TMBIM1: variants seen among roughly 807,000 people sequenced by gnomAD.
TMBIM1 encodes the protein transmembrane BAX inhibitor motif containing 1.
TMBIM1 carries 34 observed loss-of-function variants against 45.1 expected under a neutral mutation model. The observed-to-expected ratio is 0.75, with a 90% CI of 0.57 to 1.00. TMBIM1 has a LOEUF of 1.00. Among genes scored for constraint, TMBIM1 ranks in the 50% least tolerant of loss-of-function variants. TMBIM1 has a pLI of 0.00. For missense variants in TMBIM1, 374 were observed against 402.4 expected (o/e 0.93, Z 0.60); for synonymous variants, 157 against 153.5 (o/e 1.02, Z -0.17).
intron 6 of TMBIM1, 147 bp from the exon 7 acceptor site, chr2:218,278,121 G>A: frequency 1.2e-6 from 1 of 849,026 alleles, no homozygotes; most frequent in Non-Finnish European, 1.9e-6. Flanking sequence ...TTTGGCACCT[G>A]TTCAGGTGTG....
intron 1 of TMBIM1, among the ~76,000 whole-genome samples, chr2:218,282,955 GCTA>G (rs1352094562): frequency 6.6e-6 from 1 of 152,206 alleles, no homozygotes; most frequent in Non-Finnish European, 1.5e-5. Context: ...CTCTGGCCTT[GCTA>G]GGGAAGAGAG....
chr2:218,276,335 A>G (rs1424260674), intron 10 of TMBIM1, among the ~76,000 whole-genome samples: 1 of 152,228 alleles, frequency 6.6e-6, no homozygotes, highest in Non-Finnish European at 1.5e-5. Flanking sequence ...AGTGTCTACT[A>G]TACTTCTAGA....
chr2:218,289,659 A>G (rs925897755), intron 1 of TMBIM1, among the ~76,000 whole-genome samples: 30 of 150,242 alleles, frequency 2.0e-4, no homozygotes, highest in Non-Finnish European at 3.7e-4. Flanking sequence ...GAAAGATCAA[A>G]GTCCACTCTG....
intron 5 of TMBIM1, among the ~76,000 whole-genome samples, 184 bp from the exon 6 acceptor site, chr2:218,278,749 C>T (rs567342415): frequency 2.0e-5 from 3 of 152,328 alleles, no homozygotes; most frequent in Admixed American, 6.5e-5. Flanking sequence ...CACCAGGCTC[C>T]GGCCAGGAAG....
rs773978724 is a variant in TMBIM1, at chr2:218,275,651, A to C, written c.790-30T>G. ...AAGGATAGGGAAGCCAGAAGTGAGA[A>C]CTCAGGCATCAGTGTCCAGAGCTCA... On this transcript the variant is annotated intron_variant, in intron 11 of 11. Coordinates refer to ENST00000258412, the MANE Select transcript of TMBIM1 (RefSeq NM_022152.6). The C allele has an allele frequency of 2.5e-6, 4 of 1,596,982 alleles. No individual in the cohort carries two copies. In the African/African-American group the frequency reaches 4.0e-5, roughly 16 times the overall value.
chr2:218,279,764 G>A (rs954991628), intron 3 of TMBIM1, among the ~76,000 whole-genome samples: 4 of 152,300 alleles, frequency 2.6e-5, no homozygotes, highest in East Asian at 1.9e-4. Context: ...GAAGGCGGGC[G>A]CTGTGGCAGA....
intron 1 of TMBIM1, among the ~76,000 whole-genome samples, chr2:218,287,854 T>C (rs537385882): frequency 1.2e-3 from 181 of 152,256 alleles, no homozygotes; most frequent in African/African-American, 4.1e-3. Flanking sequence ...GAGGCTGTCC[T>C]GGGGATCACG....
At chr2:218,284,495 G>A (rs1692339786) in intron 1 of TMBIM1, among the ~76,000 whole-genome samples, 1 of 152,244 alleles carries the variant, frequency 6.6e-6, no homozygotes, top group Non-Finnish European at 1.5e-5. Context: ...GCCTCGGATG[G>A]GCCACGGGGA....
In TMBIM1 at chr2:218,275,758, G is replaced by T. The variant is rs541878161; in HGVS notation, c.790-137C>A. ...CATTAACGCACAGCATAACATATGG[G>T]CTCTATACTGTAGCTGCTCACAGTC... is the stretch of plus-strand genomic sequence containing the variant. On this transcript the variant is annotated intron_variant, in intron 11 of 11. Coordinates refer to ENST00000258412, the MANE Select transcript of TMBIM1 (RefSeq NM_022152.6). 3.5e-5 allele frequency: 38 copies of T among 1,097,998 alleles called. No homozygotes were observed. In the East Asian group the frequency reaches 8.6e-4, roughly 25 times the overall value. 68.0% of individuals were successfully genotyped at this position (1,097,998 alleles called of 1,614,324 possible).
chr2:218,282,275 G>A lies in TMBIM1; in HGVS notation c.-40-94C>T, dbSNP rs572816857. 93 of 705,984 alleles carry A rather than the reference G, an allele frequency of 1.3e-4. 1 individual carries two copies. The highest frequency in any genetic ancestry group is 1.1e-3 in the African/African-American group (59 of 52,830). The allele number at this position is 705,984 out of a possible 1,614,324, so 43.7% of individuals were successfully genotyped here. A position where few individuals can be genotyped will look rare whatever the true frequency, so the allele number is the denominator to read the frequency against. On this transcript the variant is annotated intron_variant, in intron 1 of 11. Coordinates refer to ENST00000258412, the MANE Select transcript of TMBIM1 (RefSeq NM_022152.6). Reference sequence around the variant, plus strand: ...TTCCAGCCTTGTCCAGGCTGCCTCCGTGGAGAGGAACACCACCTATTTTCT... The same window carrying A: ...TTCCAGCCTTGTCCAGGCTGCCTCCATGGAGAGGAACACCACCTATTTTCT...
chr2:218,281,076 T>A (rs1691889204), intron 2 of TMBIM1: 1 of 151,482 alleles, frequency 6.6e-6, no homozygotes. Context: ...GTGTTGAGAT[T>A]ACAGGCATGA....
intron 6 of TMBIM1, 156 bp from the exon 7 acceptor site, chr2:218,278,130 T>C (rs1453934932): frequency 5.1e-6 from 4 of 779,886 alleles, no homozygotes; most frequent in East Asian, 2.7e-5. Flanking sequence ...TGTTCAGGTG[T>C]GGTACGCAGG....
intron 2 of TMBIM1, chr2:218,280,745 T>C (rs1691825981): frequency 6.5e-6 from 1 of 152,718 alleles, no homozygotes; most frequent in African/African-American, 2.4e-5. Context: ...GGAACTACTT[T>C]TAAAATCCAC....
intron 1 of TMBIM1, among the ~76,000 whole-genome samples, chr2:218,288,613 G>C (rs1353958036): frequency 1.3e-5 from 2 of 152,100 alleles, no homozygotes; most frequent in African/African-American, 2.4e-5. Flanking sequence ...ATGCTCACTG[G>C]AGCATTTCTG....
intron 1 of TMBIM1, among the ~76,000 whole-genome samples, chr2:218,282,453 G>A (rs1692115408): frequency 6.6e-6 from 1 of 152,258 alleles, no homozygotes; most frequent in Non-Finnish European, 1.5e-5. Flanking sequence ...ATTCGCTGAG[G>A]AGAGAGGGAA....
Position 218,278,245 on chromosome 2 carries a change from CA to C in TMBIM1, c.473+269del, listed in dbSNP as rs1333989647. ...CCTGTGTGATGGGGAGAAAGTTACT[CA>C]GCCTCTTTGAGCCTCGGGTTCTTCC... On this transcript the variant is annotated intron_variant, in intron 6 of 11. Coordinates refer to ENST00000258412, the MANE Select transcript of TMBIM1 (RefSeq NM_022152.6). 2.3e-5 allele frequency: 14 copies of C among 604,250 alleles called. No homozygotes were observed. In the East Asian group the frequency reaches 3.9e-4, roughly 17 times the overall value. 37.4% of individuals were successfully genotyped at this position (604,250 alleles called of 1,614,324 possible). A position where few individuals can be genotyped will look rare whatever the true frequency, so the allele number is the denominator to read the frequency against.
chr2:218,280,087 CT>C lies in TMBIM1; in HGVS notation c.241del (p.Ser81ValfsTer50). ...CCACTCTCCAGGCCCGAAGCTATCA[CT>C]CACTGCTCTCTCCTCCCCATCATAG... ...HGYDGEERAV[S>X]DSFGPGEWDD... On this transcript the variant is annotated frameshift_variant, in exon 3 of 12. Coordinates refer to ENST00000258412, the MANE Select transcript of TMBIM1 (RefSeq NM_022152.6). LOFTEE classifies it high-confidence loss of function. 1.2e-6 allele frequency: 2 copies of C among 1,614,208 alleles called. No individual in the cohort carries two copies. The highest frequency in any genetic ancestry group is 8.5e-7 in the Non-Finnish European group (1 of 1,180,002).
rs555731372 is a variant in TMBIM1, at chr2:218,278,908, G to A, written c.422+130C>T. On this transcript the variant is annotated intron_variant, in intron 5 of 11. Coordinates refer to ENST00000258412, the MANE Select transcript of TMBIM1 (RefSeq NM_022152.6). Reference sequence around the variant, plus strand: ...CACGCACACCCACACCCTCTGGCACGGGAAACTGGCACCAACTTGGGGGCC... The same window carrying A: ...CACGCACACCCACACCCTCTGGCACAGGAAACTGGCACCAACTTGGGGGCC... 111 of 1,045,304 alleles carry A rather than the reference G, an allele frequency of 1.1e-4. No individual in the cohort carries two copies. In the African/African-American group the frequency reaches 1.4e-3, roughly 13 times the overall value. The allele number at this position is 1,045,304 out of a possible 1,614,324, so 64.8% of individuals were successfully genotyped here.
rs1166883108 is a variant in TMBIM1, at chr2:218,279,451, T to C, written c.304-98A>G. ...GTACTTTCCTCCCACTCAAGAACCCTCCCTAGCTGCAGCCTGGCCCAGAGG... is the reference window on the plus strand; with the variant it reads ...GTACTTTCCTCCCACTCAAGAACCCCCCCTAGCTGCAGCCTGGCCCAGAGG... On this transcript the variant is annotated intron_variant, in intron 3 of 11. Coordinates refer to ENST00000258412, the MANE Select transcript of TMBIM1 (RefSeq NM_022152.6). 5 of 1,143,104 alleles carry C rather than the reference T, an allele frequency of 4.4e-6. No individual in the cohort carries two copies. In the East Asian group the frequency reaches 1.3e-4, roughly 30 times the overall value. 70.8% of individuals were successfully genotyped at this position (1,143,104 alleles called of 1,614,324 possible).
Sources: gnomAD v4.1 joint callset for allele counts (sites outside exome capture counted in the v4.1 genomes callset) on GRCh38, gnomAD v4.1.1 for gene constraint, MANE v1.5 for transcripts, NCBI Gene and HGNC (gene_info 2026-07-23, HGNC 2026-07-21) for gene names.